TRIO: variants seen among roughly 807,000 people sequenced by gnomAD.
TRIO encodes triple functional domain protein.
In TRIO, 58 loss-of-function variants were observed where a neutral mutation model predicts 351.9. The observed-to-expected ratio is 0.16, with a 90% confidence interval of 0.13 to 0.21. The LOEUF (loss-of-function observed/expected upper bound fraction) is 0.21, where lower values mean the gene tolerates loss of function less well. Ranked by LOEUF, TRIO falls within the 10% of genes least tolerant of loss-of-function variation. The probability of loss-of-function intolerance (pLI) is 1.00; values close to 1 mark genes in which losing one functional copy is unlikely to be tolerated. For synonymous variants in TRIO, 1,758 were observed against 1,595.7 expected, an observed-to-expected ratio of 1.10 and a Z score of -2.42; for missense variants, 3,201 against 4,027.8, an observed-to-expected ratio of 0.79 and a Z score of 5.56.
chr5:14,160,208 G>T (rs1788369386), intron 1 of TRIO, among the ~76,000 whole-genome samples: 1 of 152,174 alleles, frequency 6.6e-6, no homozygotes, highest in African/African-American at 2.4e-5. Flanking sequence ...CGTAGAGCAG[G>T]TTGGGGTTGG....
intron 7 of TRIO, 35 bp from the exon 8 acceptor site, chr5:14,304,426 C>A: frequency 1.3e-6 from 2 of 1,586,134 alleles, no homozygotes; most frequent in South Asian, 1.2e-5. Context: ...TATAAATTGT[C>A]ATTGATAGAA....
At chr5:14,418,902 G>A (rs952002731) in intron 33 of TRIO, 1 of 152,284 alleles carries the variant, frequency 6.6e-6, no homozygotes, top group Admixed American at 6.5e-5. Context: ...CACACACCAG[G>A]GCTCAGGCCA....
At chr5:14,331,751 A>C (rs746868307) in intron 10 of TRIO, among the ~76,000 whole-genome samples, 1 of 152,090 alleles carries the variant, frequency 6.6e-6, no homozygotes, top group Non-Finnish European at 1.5e-5. Flanking sequence ...TTTTGCATGC[A>C]GTTTTGCAGA....
chr5:14,165,604 T>G (rs1788717226), intron 1 of TRIO, among the ~76,000 whole-genome samples: 1 of 152,208 alleles, frequency 6.6e-6, no homozygotes, highest in Non-Finnish European at 1.5e-5. Context: ...CTGTCTGTCT[T>G]TCTGAGGCTC....
intron 11 of TRIO, among the ~76,000 whole-genome samples, chr5:14,352,261 C>A (rs1743206292): frequency 6.6e-6 from 1 of 152,238 alleles, no homozygotes; most frequent in African/African-American, 2.4e-5. Context: ...AGCAATAGCT[C>A]TGATGGCCTC....
intron 53 of TRIO, 88 bp downstream of exon 53, chr5:14,498,728 C>T (rs752876234): frequency 1.5e-5 from 23 of 1,555,828 alleles, no homozygotes; most frequent in Admixed American, 3.6e-5. Context: ...CCCTTACACT[C>T]CAAGTGGCCT....
chr5:14,360,309 T>C (rs1361911245), intron 13 of TRIO, among the ~76,000 whole-genome samples: 1 of 152,206 alleles, frequency 6.6e-6, no homozygotes, highest in African/African-American at 2.4e-5. Context: ...GGAGGAGCTC[T>C]CTTTTTTGAT....
At chr5:14,459,189 G>T (rs544359653) in intron 34 of TRIO, among the ~76,000 whole-genome samples, 1 of 152,172 alleles carries the variant, frequency 6.6e-6, no homozygotes, top group Non-Finnish European at 1.5e-5. Context: ...CAGTGAGACG[G>T]GCGTGTGCTG....
chr5:14,159,788 A>G (rs569698714), intron 1 of TRIO, among the ~76,000 whole-genome samples: 66 of 152,266 alleles, frequency 4.3e-4, no homozygotes, highest in African/African-American at 1.5e-3. Flanking sequence ...GATGGTCTCC[A>G]TCTCTTGACT....
At chr5:14,468,428 TG>T (rs1266958327) in intron 37 of TRIO, among the ~76,000 whole-genome samples, 1 of 152,376 alleles carries the variant, frequency 6.6e-6, no homozygotes, top group Non-Finnish European at 1.5e-5. Flanking sequence ...TTCATCCACA[TG>T]GGTGTTCACT....
chr5:14,173,509 G>A (rs958159136), intron 1 of TRIO, among the ~76,000 whole-genome samples: 1 of 152,052 alleles, frequency 6.6e-6, no homozygotes, highest in African/African-American at 2.4e-5. Flanking sequence ...ACCGCGCCTG[G>A]CCTGGTAATG....
chr5:14,435,587 C>T (rs969198836), intron 34 of TRIO, among the ~76,000 whole-genome samples: 3 of 152,220 alleles, frequency 2.0e-5, no homozygotes, highest in African/African-American at 7.2e-5. Context: ...ATAGTGCTTA[C>T]CTAATGGTAT....
At chr5:14,242,700 G>A (rs1020575413) in intron 1 of TRIO, among the ~76,000 whole-genome samples, 3 of 152,158 alleles carry the variant, frequency 2.0e-5, no homozygotes, top group Admixed American at 1.3e-4. Flanking sequence ...TCAGCCTCCC[G>A]AGTAGCTGGG....
Position 14,460,020 on chromosome 5 carries a change from A to G in TRIO, c.5204-999A>G, listed in dbSNP as rs1000479603. Among the ~76,000 whole-genome samples the G allele has an allele frequency of 1.3e-5, 2 of 151,760 alleles. 1 individual carries two copies. Among genetic ancestry groups the G allele is most frequent in the Non-Finnish European group, 2.9e-5 (2 of 67,954 alleles). ...AAGCTCCGCCTCCTGGGTTCACACC[A>G]TTCTCCTGCCTCAGCCTCCTGAGTA... is the stretch of plus-strand genomic sequence containing the variant. On this transcript the variant is annotated intron_variant, in intron 34 of 56. Coordinates refer to ENST00000344204, the MANE Select transcript of TRIO (RefSeq NM_007118.4).
intron 1 of TRIO, among the ~76,000 whole-genome samples, chr5:14,160,250 G>C (rs570527670): frequency 7.9e-5 from 12 of 152,312 alleles, no homozygotes; most frequent in African/African-American, 2.9e-4. Context: ...AAAGGGACCA[G>C]AGGTCTGTCA....
chr5:14,454,527 T>A (rs1006397446), intron 34 of TRIO, among the ~76,000 whole-genome samples: 5 of 152,220 alleles, frequency 3.3e-5, no homozygotes, highest in African/African-American at 1.2e-4. Context: ...CCATTCATAG[T>A]GGTTGACTTA....
chr5:14,335,287 C>T (rs904279851), intron 10 of TRIO, among the ~76,000 whole-genome samples: 6 of 152,216 alleles, frequency 3.9e-5, no homozygotes, highest in African/African-American at 4.8e-5. Flanking sequence ...ATGACGCCCT[C>T]ACATCCTGCT....
intron 1 of TRIO, among the ~76,000 whole-genome samples, chr5:14,259,094 C>T (rs1320280770): frequency 6.6e-6 from 1 of 152,184 alleles, no homozygotes; most frequent in Non-Finnish European, 1.5e-5. Flanking sequence ...CTGAGGCTTC[C>T]CTCTGCCGGG....
In TRIO at chr5:14,479,449, C is replaced by A; in HGVS notation, c.6243+99C>A. The stretch of plus-strand genomic sequence containing the variant: ...ATTGGTTTCCCAGGAGACTAATTTC[C>A]AAAGAAAATTAGCCTGAGTGATAAG... On this transcript the variant is annotated intron_variant, in intron 42 of 56. Coordinates refer to ENST00000344204, the MANE Select transcript of TRIO (RefSeq NM_007118.4). 3 of 1,050,134 alleles carry A rather than the reference C, an allele frequency of 2.9e-6. No individual in the cohort carries two copies. The South Asian group carries it at 4.7e-5, about 16-fold the overall frequency. The allele number at this position is 1,050,134 out of a possible 1,614,324, so 65.1% of individuals were successfully genotyped here. A position where few individuals can be genotyped will look rare whatever the true frequency, so the allele number is the denominator to read the frequency against.
Sources: gnomAD v4.1 joint callset for allele counts (sites outside exome capture counted in the v4.1 genomes callset) on GRCh38, gnomAD v4.1.1 for gene constraint, MANE v1.5 for transcripts, NCBI Gene and HGNC (gene_info 2026-07-23, HGNC 2026-07-21) for gene names.